The following ELF4 variants were observed in gnomAD, a reference collection of about 807,000 sequenced individuals.
ELF4 encodes the protein ETS-related transcription factor Elf-4.
In ELF4, 10 loss-of-function variants were observed where a neutral mutation model predicts 31.7. The ratio of observed to expected loss-of-function variants is 0.32; its 90% CI spans 0.19 to 0.54. The LOEUF (loss-of-function observed/expected upper bound fraction) is 0.54. Ranked by LOEUF, ELF4 falls within the 20% of genes least tolerant of loss-of-function variation. ELF4 has a pLI of 0.95. For missense variants in ELF4, 418 were observed against 522.0 expected (o/e 0.80, Z 1.94); for synonymous variants, 208 against 226.7 (o/e 0.92, Z 0.74).
chrX:130,108,459 C>A (rs1347728606), intron 1 of ELF4, among the ~76,000 whole-genome samples: 1 of 111,774 alleles, frequency 8.9e-6, no homozygotes, highest in African/African-American at 3.3e-5. Context: ...GCAAACTCCT[C>A]AGCCTGTGTC....
chrX:130,097,160 G>C (rs1456098032), intron 1 of ELF4, among the ~76,000 whole-genome samples: 3 of 105,983 alleles, frequency 2.8e-5, no homozygotes, highest in Non-Finnish European at 5.8e-5. Context: ...AAAAGCAGCC[G>C]GGTGCGGCGG....
chrX:130,102,884 G>GAGAA (rs1174320321), intron 1 of ELF4, among the ~76,000 whole-genome samples: 1,065 of 43,683 alleles, frequency 0.024, 23 homozygotes, highest in Non-Finnish European at 0.033. Context: ...GAGAGAGAGA[G>GAGAA]AGAAAGAAAG....
In ELF4 at chrX:130,072,335, G is replaced by A. The variant is rs747606576; in HGVS notation, c.423C>T (p.Pro141=). ...LPNYLFPASE[P]DALNRAGDTS... is the part of the protein sequence containing the mutation. ...TGTCACCCGCCCTGTTCAGGGCATC[G>A]GGCTCAGAGGCAGGAAACAGGTAGT... Residue 141 remains proline (P), a synonymous_variant, in exon 5 of 9, where the codon CCC becomes CCT. Transcript: ENST00000308167. The A allele has an allele frequency of 4.1e-6, 5 of 1,210,948 alleles. No homozygotes were observed. Among genetic ancestry groups the A allele is most frequent in the South Asian group, 3.5e-5 (2 of 56,904 alleles).
upstream of ELF4, chrX:130,110,522 G>C (rs1351304644): frequency 9.3e-6 from 1 of 107,808 alleles, no homozygotes; most frequent in African/African-American, 3.4e-5. Context: ...GCGCCCGGTC[G>C]GTCCCCGCGG....
In ELF4 at chrX:130,067,065, T is replaced by C. The variant is rs958771596; in HGVS notation, c.1648A>G (p.Met550Val). Reference protein sequence around the residue: ...PLRSSSYVQGMVTGAPMEGLL... With the variant: ...PLRSSSYVQGVVTGAPMEGLL... ...CCCTCCATGGGGGCCCCCGTCACCATACCCTGAACATAGGAGGAGGACCTC... is the reference window on the plus strand; with the variant it reads ...CCCTCCATGGGGGCCCCCGTCACCACACCCTGAACATAGGAGGAGGACCTC... Residue 550 changes from methionine to valine, a missense_variant, in exon 9 of 9, where the codon ATG (methionine) becomes GTG (valine). Met to Val is a conservative substitution (Grantham distance 21). Transcript: ENST00000308167. 12 of 1,209,794 alleles carry C rather than the reference T, an allele frequency of 9.9e-6. No homozygotes were observed. In the African/African-American group the frequency reaches 1.6e-4, roughly 16 times the overall value.
At chrX:130,094,730 C>T (rs761946948) in intron 1 of ELF4, among the ~76,000 whole-genome samples, 3 of 111,496 alleles carry the variant, frequency 2.7e-5, no homozygotes, top group Admixed American at 9.5e-5. Context: ...GGAGTGAATA[C>T]GGCTTCACAG....
chrX:130,111,089 A>G (rs1933481462), upstream of ELF4, among the ~76,000 whole-genome samples: 1 of 107,690 alleles, frequency 9.3e-6, no homozygotes, highest in South Asian at 4.0e-4. Context: ...CGCGGTCGCC[A>G]GCACGGCATG....
chrX:130,105,932 C>T (rs1269827758), intron 1 of ELF4, among the ~76,000 whole-genome samples: 2 of 106,954 alleles, frequency 1.9e-5, no homozygotes, highest in African/African-American at 6.8e-5. Context: ...AACGAAATCC[C>T]CTCAGCTTGG....
At chrX:130,075,715 G>A (rs748993920) in intron 2 of ELF4, among the ~76,000 whole-genome samples, 139 of 112,010 alleles carry the variant, frequency 1.2e-3, no homozygotes, top group African/African-American at 4.4e-3. Context: ...ACCTATAGTC[G>A]GGGGACAAGA....
chrX:130,073,191 C>A (rs1012255574), intron 4 of ELF4, among the ~76,000 whole-genome samples: 2 of 108,867 alleles, frequency 1.8e-5, no homozygotes, highest in African/African-American at 3.4e-5. Flanking sequence ...CGGGTTCAAG[C>A]GATTCTCCTG....
At chrX:130,104,644 C>T (rs776873700) in intron 1 of ELF4, among the ~76,000 whole-genome samples, 39 of 112,261 alleles carry the variant, frequency 3.5e-4, no homozygotes, top group Admixed American at 3.2e-3. Flanking sequence ...TGGGCGCTGA[C>T]TCCCAGAGTG....
chrX:130,074,020 T>G, intron 4 of ELF4, 29 bp downstream of exon 4: 4 of 1,189,781 alleles, frequency 3.4e-6, no homozygotes, highest in Admixed American at 2.2e-5. Context: ...TTTGTTGCCT[T>G]GAGTTCAGGC....
At chrX:130,110,528 C>T (rs1362689691), upstream of ELF4, 3 of 108,372 alleles carry the variant, frequency 2.8e-5, no homozygotes, top group African/African-American at 1.0e-4. Flanking sequence ...GGTCGGTCCC[C>T]GCGGCCGCCG....
At chrX:130,080,278 G>A in intron 2 of ELF4, among the ~76,000 whole-genome samples, 1 of 110,597 alleles carries the variant, frequency 9.0e-6, no homozygotes, top group African/African-American at 3.3e-5. Context: ...ACAAAAATTA[G>A]CCGGGGATGG....
intron 1 of ELF4, among the ~76,000 whole-genome samples, chrX:130,109,189 G>C (rs1384545539): frequency 8.9e-6 from 1 of 111,987 alleles, no homozygotes; most frequent in Non-Finnish European, 1.9e-5. Context: ...CTGGCAGGGG[G>C]TGAGTCCCCA....
chrX:130,102,936 G>A (rs1333581211), intron 1 of ELF4, among the ~76,000 whole-genome samples: 4 of 97,404 alleles, frequency 4.1e-5, no homozygotes, highest in African/African-American at 1.7e-4. Context: ...GAGAAGGAGG[G>A]AGGGAGGAAG....
At position 130,071,139 on chromosome X, in the gene ELF4, C is replaced by A. The variant is rs745586763; in HGVS notation, c.710G>T (p.Gly237Val). The stretch of plus-strand genomic sequence containing the variant: ...TTTGGAGTCCACCAGTTTGAAGATG[C>A]CTTTCTCTCGCTGGGTCCACTTGAT... ...KYIKWTQREKGIFKLVDSKAV... is the reference protein window; with the variant it reads ...KYIKWTQREKVIFKLVDSKAV... The change falls in exon 7 of 9, where the codon GGC (glycine) becomes GTC (valine). Residue 237 changes from glycine (G) to valine (V), a missense_variant. This residue lies in a region of ELF4 where 35 missense variants were observed against 84.0 expected (regional missense o/e 0.42). Transcript: ENST00000308167. 1 of 1,211,746 alleles carries A rather than the reference C, an allele frequency of 8.3e-7. No individual in the cohort carries two copies.
At chrX:130,102,956 G>A (rs200646289) in intron 1 of ELF4, among the ~76,000 whole-genome samples, 13 of 46,217 alleles carry the variant, frequency 2.8e-4, no homozygotes, top group Non-Finnish European at 3.8e-4. Context: ...GGAAGGAAGG[G>A]AGGGAGGAAG....
intron 1 of ELF4, among the ~76,000 whole-genome samples, chrX:130,088,716 AAAAC>A (rs1933003509): frequency 1.8e-5 from 2 of 112,259 alleles, no homozygotes; most frequent in African/African-American, 6.5e-5. Context: ...CCATCTCAAA[AAAAC>A]AAACACTGAC....
Sources: gnomAD v4.1 joint callset for allele counts (sites outside exome capture counted in the v4.1 genomes callset) on GRCh38, gnomAD v4.1.1 for gene constraint, gnomAD v4.1.1 regional missense constraint, MANE v1.5 for transcripts, NCBI Gene and HGNC (gene_info 2026-07-23, HGNC 2026-07-21) for gene names.